Variants in CDC27 observed in about 807,000 individuals in gnomAD.
CDC27 encodes cell division cycle protein 27 homolog.
A neutral mutation model predicts 109.7 loss-of-function variants in CDC27; 27 were observed. The observed-to-expected ratio is 0.25, with a 90% CI of 0.18 to 0.34. CDC27 has a LOEUF of 0.34. Among genes scored for constraint, CDC27 ranks in the 10% least tolerant of loss-of-function variants. The probability of loss-of-function intolerance (pLI) is 1.00; values close to 1 mark genes in which losing one functional copy is unlikely to be tolerated. For synonymous variants in CDC27, 266 were observed against 333.9 expected, an observed-to-expected ratio of 0.80 and a Z score of 2.22; for missense variants, 579 against 960.2, an observed-to-expected ratio of 0.60 and a Z score of 5.25.
At chr17:47,143,600 T>A (rs2062863951) in intron 10 of CDC27, among the ~76,000 whole-genome samples, 1 of 152,164 alleles carries the variant, frequency 6.6e-6, no homozygotes, top group Non-Finnish European at 1.5e-5. Flanking sequence ...CTCCTAATAA[T>A]CACTGATCTG....
At chr17:47,183,379 A>G (rs912868824) in intron 1 of CDC27, among the ~76,000 whole-genome samples, 6 of 152,236 alleles carry the variant, frequency 3.9e-5, no homozygotes, top group African/African-American at 1.4e-4. Context: ...TAAATGTTTA[A>G]TAATTCTGCA....
intron 9 of CDC27, among the ~76,000 whole-genome samples, chr17:47,149,912 A>C (rs1341065125): frequency 6.6e-6 from 1 of 152,140 alleles, no homozygotes; most frequent in Non-Finnish European, 1.5e-5. Context: ...CCGAGATTGC[A>C]CCATTGCACT....
chr17:47,143,105 T>C (rs762607163), intron 10 of CDC27, among the ~76,000 whole-genome samples: 6 of 152,058 alleles, frequency 3.9e-5, no homozygotes, highest in Non-Finnish European at 8.8e-5. Flanking sequence ...CCCAAGCAGC[T>C]GGGATCAAAG....
At chr17:47,140,162 A>G (rs2062751888) in intron 12 of CDC27, among the ~76,000 whole-genome samples, 1 of 152,184 alleles carries the variant, frequency 6.6e-6, no homozygotes, top group Non-Finnish European at 1.5e-5. Context: ...CTTCCTTGCA[A>G]TCTCTTAAAA....
chr17:47,149,904 G>A (rs969961752), intron 9 of CDC27, among the ~76,000 whole-genome samples: 3 of 152,216 alleles, frequency 2.0e-5, no homozygotes, highest in African/African-American at 4.8e-5. Context: ...GCAGTGAGCC[G>A]AGATTGCACC....
At chr17:47,124,033 G>C in intron 16 of CDC27, 73 bp from the exon 17 acceptor site, 2 of 913,714 alleles carry the variant, frequency 2.2e-6, no homozygotes, top group South Asian at 1.7e-5. Flanking sequence ...TTACTTATTT[G>C]ATTTCCCAAA....
At chr17:47,182,026 T>C (rs2064260301) in intron 1 of CDC27, among the ~76,000 whole-genome samples, 1 of 152,232 alleles carries the variant, frequency 6.6e-6, no homozygotes, top group Non-Finnish European at 1.5e-5. Flanking sequence ...ATACCTCTTC[T>C]AGTAGAGCAC....
chr17:47,141,791 T>C, intron 12 of CDC27, 62 bp downstream of exon 12: 5 of 990,160 alleles, frequency 5.0e-6, no homozygotes, highest in Non-Finnish European at 6.0e-6. Flanking sequence ...AGCATGGGCA[T>C]TTATTTTAAT....
At chr17:47,132,453 G>A (rs1174685673) in intron 14 of CDC27, 79 bp from the exon 15 acceptor site, 1 of 598,152 alleles carries the variant, frequency 1.7e-6, no homozygotes, top group African/African-American at 1.9e-5. Flanking sequence ...AAAAGAACAA[G>A]TATAGAATCT....
chr17:47,123,363 C>G (rs929679611), intron 17 of CDC27, among the ~76,000 whole-genome samples: 2 of 151,410 alleles, frequency 1.3e-5, no homozygotes, highest in Non-Finnish European at 2.9e-5. Context: ...TTAATCAAGA[C>G]AACACAGTGC....
intron 3 of CDC27, among the ~76,000 whole-genome samples, chr17:47,171,709 A>G (rs2063816537): frequency 1.3e-5 from 2 of 152,236 alleles, no homozygotes; most frequent in Admixed American, 1.3e-4. Context: ...AAGTTTCTCC[A>G]GAGTTAAACT....
chr17:47,176,169 A>G (rs1006768552), intron 2 of CDC27, among the ~76,000 whole-genome samples: 2 of 152,156 alleles, frequency 1.3e-5, no homozygotes, highest in Non-Finnish European at 2.9e-5. Context: ...TAGATATTTG[A>G]TATTAATGCA....
intron 3 of CDC27, among the ~76,000 whole-genome samples, chr17:47,170,692 T>C (rs1296885656): frequency 1.3e-5 from 2 of 152,142 alleles, no homozygotes; most frequent in Non-Finnish European, 2.9e-5. Context: ...ATGATTACTA[T>C]ACTGGGGGAG....
intron 13 of CDC27, among the ~76,000 whole-genome samples, chr17:47,137,805 CTT>C (rs11464067): frequency 2.1e-5 from 3 of 144,422 alleles, no homozygotes; most frequent in Non-Finnish European, 3.0e-5. Flanking sequence ...CATTCTCTCT[CTT>C]TTTTTTTTTT....
In CDC27 at chr17:47,170,018, T is replaced by C; in HGVS notation, c.276A>G (p.Leu92=). 6.4e-7 allele frequency: 1 copy of C among 1,550,580 alleles called. No individual in the cohort carries two copies. The highest frequency in any genetic ancestry group is 8.7e-7 in the Non-Finnish European group (1 of 1,151,548). ...TCTGCTTATTAAACACTCCACCAGA[T>C]AAGATTTGTTCCCCTTCTGCAAGCC... ...LSKLAEGEQI[L]SGGVFNKQKS... is the part of the protein sequence containing the mutation. Residue 92 remains leucine, a synonymous_variant, in exon 4 of 19, where the codon TTA becomes TTG. Coordinates refer to ENST00000066544, the MANE Select transcript of CDC27 (RefSeq NM_001256.6).
intron 9 of CDC27, among the ~76,000 whole-genome samples, chr17:47,147,427 AC>A (rs1224678558): frequency 4.8e-5 from 5 of 105,016 alleles, no homozygotes; most frequent in African/African-American, 1.0e-4. Context: ...AAACAAACAA[AC>A]AAAAAAAAAA....
chr17:47,130,019 T>A (rs2062270637), intron 15 of CDC27, among the ~76,000 whole-genome samples: 1 of 152,188 alleles, frequency 6.6e-6, no homozygotes, highest in South Asian at 2.1e-4. Flanking sequence ...ACAAACCTTG[T>A]TTCACTCAGA....
At chr17:47,157,182 CT>C in intron 6 of CDC27, 47 bp downstream of exon 6, 1 of 1,562,482 alleles carries the variant, frequency 6.4e-7, no homozygotes, top group Non-Finnish European at 8.7e-7. Context: ...TCAGATCATT[CT>C]TTGTAGTTTT....
At chr17:47,176,661 T>C (rs2064023527) in intron 2 of CDC27, among the ~76,000 whole-genome samples, 1 of 152,110 alleles carries the variant, frequency 6.6e-6, no homozygotes, top group African/African-American at 2.4e-5. Context: ...TTCTGAAGGG[T>C]TTTAAGAAGG....
Sources: allele counts gnomAD v4.1 joint callset (sites outside exome capture counted in the v4.1 genomes callset), GRCh38; gene constraint gnomAD v4.1.1; transcripts MANE v1.5; gene names NCBI Gene and HGNC (gene_info 2026-07-23, HGNC 2026-07-21).